RALY: variants seen among roughly 807,000 people sequenced by gnomAD.
RALY encodes the protein RALY heterogeneous nuclear ribonucleoprotein.
Under a neutral mutation model 30.7 loss-of-function variants are expected in RALY, and 15 were observed. That is an observed-to-expected ratio of 0.49 (90% CI 0.33 to 0.75). RALY has a LOEUF of 0.75. RALY is among the 30% of genes least tolerant of loss of function. The probability of loss-of-function intolerance (pLI) is 0.02; values close to 1 mark genes in which losing one functional copy is unlikely to be tolerated. For missense variants in RALY, 339 were observed against 414.3 expected, an observed-to-expected ratio of 0.82 and a Z score of 1.58; for synonymous variants, 177 against 170.8, an observed-to-expected ratio of 1.04 and a Z score of -0.28.
chr20:34,040,826 T>G (rs1408364925), intron 2 of RALY, among the ~76,000 whole-genome samples: 1 of 152,244 alleles, frequency 6.6e-6, no homozygotes, highest in Non-Finnish European at 1.5e-5. Flanking sequence ...GAGTTTGAAC[T>G]GAGTCCTGAC....
chr20:34,005,721 A>T (rs1369096499), intron 1 of RALY, among the ~76,000 whole-genome samples: 1 of 152,234 alleles, frequency 6.6e-6, no homozygotes, highest in South Asian at 2.1e-4. Context: ...GGTTGTATTG[A>T]TCGTGATCAT....
chr20:34,074,480 G>T (rs2033817933), intron 5 of RALY, among the ~76,000 whole-genome samples: 1 of 152,058 alleles, frequency 6.6e-6, no homozygotes, highest in Non-Finnish European at 1.5e-5. Flanking sequence ...CTCTCCCTCT[G>T]TCCAGCTTAG....
chr20:34,057,834 T>G (rs1163054305), intron 2 of RALY, among the ~76,000 whole-genome samples: 4 of 152,132 alleles, frequency 2.6e-5, no homozygotes, highest in Non-Finnish European at 5.9e-5. Flanking sequence ...GAGGGCGTGG[T>G]GAATAACAGT....
At chr20:34,013,039 A>G (rs1005380000) in intron 1 of RALY, among the ~76,000 whole-genome samples, 3 of 152,222 alleles carry the variant, frequency 2.0e-5, no homozygotes, top group Admixed American at 6.5e-5. Context: ...AAAGTATTCA[A>G]TAAATTATGT....
intron 1 of RALY, among the ~76,000 whole-genome samples, chr20:34,011,226 A>G (rs190754415): frequency 2.0e-5 from 3 of 152,328 alleles, no homozygotes; most frequent in African/African-American, 7.2e-5. Flanking sequence ...ATTAGCATGA[A>G]TTCTTGAGAT....
intron 2 of RALY, among the ~76,000 whole-genome samples, chr20:34,065,861 G>T (rs1397306554): frequency 1.3e-5 from 2 of 152,182 alleles, no homozygotes; most frequent in African/African-American, 4.8e-5. Context: ...CCAAGACAGA[G>T]ACTATAAATA....
At chr20:34,074,507 CAAG>C (rs2033818648) in intron 5 of RALY, among the ~76,000 whole-genome samples, 1 of 152,250 alleles carries the variant, frequency 6.6e-6, no homozygotes, top group African/African-American at 2.4e-5. Flanking sequence ...CCAGGCAGCC[CAAG>C]AAGAACAGTG....
At chr20:34,064,080 C>G (rs2033496807) in intron 2 of RALY, among the ~76,000 whole-genome samples, 1 of 152,102 alleles carries the variant, frequency 6.6e-6, no homozygotes, top group Non-Finnish European at 1.5e-5. Context: ...TTTATAATTA[C>G]AATCAGATGG....
In RALY at chr20:34,031,548, G is replaced by A. The variant is rs2032279386; in HGVS notation, c.-66G>A. ...TGAGCCCTATTCCCAGAGGCAGGTG[G>A]TGCTGACCCTGTAACCCAAAGGAGG... On this transcript the variant is annotated 5_prime_UTR_variant, in exon 2 of 10. The change creates a new upstream start codon in the 5' untranslated region. Coordinates refer to ENST00000246194, the MANE Select transcript of RALY (RefSeq NM_016732.3). The A allele has an allele frequency of 6.6e-6, 1 of 152,140 alleles. No individual in the cohort carries two copies. The highest frequency in any genetic ancestry group is 2.1e-4 in the South Asian group (1 of 4,812). 9.4% of individuals were successfully genotyped at this position (152,140 alleles called of 1,614,324 possible). A position where few individuals can be genotyped will look rare whatever the true frequency, so the allele number is the denominator to read the frequency against.
At chr20:34,043,722 A>G (rs2032780873) in intron 2 of RALY, among the ~76,000 whole-genome samples, 1 of 152,202 alleles carries the variant, frequency 6.6e-6, no homozygotes, top group African/African-American at 2.4e-5. Context: ...AAGGTTAGGA[A>G]GGATTCTTTG....
chr20:34,019,986 G>A (rs1009447443), intron 1 of RALY, among the ~76,000 whole-genome samples: 2 of 151,990 alleles, frequency 1.3e-5, no homozygotes, highest in Non-Finnish European at 1.5e-5. Flanking sequence ...GCGTGAACCC[G>A]GGAGGCGGAG....
intron 1 of RALY, among the ~76,000 whole-genome samples, chr20:33,995,421 G>T (rs1216757962): frequency 1.3e-5 from 2 of 152,270 alleles, no homozygotes; most frequent in South Asian, 2.1e-4. Flanking sequence ...GGGGGTTAGG[G>T]GGAGTAGCTC....
At chr20:34,043,200 C>T (rs778608355) in intron 2 of RALY, among the ~76,000 whole-genome samples, 2 of 152,218 alleles carry the variant, frequency 1.3e-5, no homozygotes, top group African/African-American at 2.4e-5. Context: ...TTTTCTTCCC[C>T]TGCTCAAGGA....
chr20:34,053,372 G>A (rs1263335914), intron 2 of RALY, among the ~76,000 whole-genome samples: 1 of 128,166 alleles, frequency 7.8e-6, no homozygotes, highest in Non-Finnish European at 1.6e-5. Flanking sequence ...ACATTTAGTA[G>A]ATGTTCAATA....
intron 5 of RALY, among the ~76,000 whole-genome samples, chr20:34,075,468 T>C (rs1336333964): frequency 1.3e-5 from 2 of 151,902 alleles, no homozygotes; most frequent in Non-Finnish European, 2.9e-5. Flanking sequence ...TCTCTATTCC[T>C]AGCTGGGGAT....
intron 2 of RALY, among the ~76,000 whole-genome samples, chr20:34,032,076 C>T (rs968509119): frequency 3.9e-5 from 6 of 152,212 alleles, no homozygotes; most frequent in South Asian, 2.1e-4. Flanking sequence ...AATTCTCCTG[C>T]CTCAGCCTCC....
chr20:34,043,306 G>A (rs2032766098), intron 2 of RALY, among the ~76,000 whole-genome samples: 1 of 152,210 alleles, frequency 6.6e-6, no homozygotes, highest in African/African-American at 2.4e-5. Flanking sequence ...TATGTGCAGA[G>A]CCAGTTCTAC....
At chr20:34,031,211 A>ATTTTT (rs11297874) in intron 1 of RALY, among the ~76,000 whole-genome samples, 9 of 110,872 alleles carry the variant, frequency 8.1e-5, no homozygotes, top group Admixed American at 9.9e-5. Flanking sequence ...TGCCTGGCTA[A>ATTTTT]TTTTTTTTTT....
chr20:34,072,929 AGTGTGTGTGT>A (rs3835232), intron 3 of RALY, among the ~76,000 whole-genome samples: 12 of 149,012 alleles, frequency 8.1e-5, no homozygotes, highest in South Asian at 2.1e-4. Flanking sequence ...GTATAGATGT[AGTGTGTGTGT>A]GTGTGTGTGT....
Sources: gnomAD v4.1 joint callset for allele counts (sites outside exome capture counted in the v4.1 genomes callset) on GRCh38, gnomAD v4.1.1 for gene constraint, MANE v1.5 for transcripts, NCBI Gene and HGNC (gene_info 2026-07-23, HGNC 2026-07-21) for gene names.